MYH13: variants seen among roughly 807,000 people sequenced by gnomAD.
The protein encoded by MYH13 is myosin heavy chain 13.
A neutral mutation model predicts 232.1 loss-of-function variants in MYH13; 177 were observed. That is an observed-to-expected ratio of 0.76 (90% CI 0.67 to 0.86). The LOEUF (loss-of-function observed/expected upper bound fraction) is 0.86, where lower values mean the gene tolerates loss of function less well. Ranked by LOEUF, MYH13 falls within the 40% of genes least tolerant of loss-of-function variation. The probability of loss-of-function intolerance (pLI) is 0.00; values close to 1 mark genes in which losing one functional copy is unlikely to be tolerated. For synonymous variants in MYH13, 884 were observed against 923.5 expected, an observed-to-expected ratio of 0.96 and a Z score of 0.78; for missense variants, 2,246 against 2,405.9, an observed-to-expected ratio of 0.93 and a Z score of 1.39.
In MYH13 at chr17:10,328,008, T is replaced by C; in HGVS notation, c.2549A>G (p.Glu850Gly). The stretch of plus-strand genomic sequence containing the variant: ...TTCCTTCATGGTGGCCATCTCCTTC[T>C]CGGCCTCTGCACTCTTCAGCAGGGG... Reference protein sequence around the residue: ...IKPLLKSAEAEKEMATMKEDF... With the variant: ...IKPLLKSAEAGKEMATMKEDF... Residue 850 changes from glutamate to glycine, a missense_variant, in exon 22 of 41, where the codon GAG becomes GGG. Transcript: ENST00000252172. 1 of 1,614,130 alleles carries C rather than the reference T, an allele frequency of 6.2e-7. No homozygotes were observed. The highest frequency in any genetic ancestry group is 8.5e-7 in the Non-Finnish European group (1 of 1,180,016).
chr17:10,353,777 G>A (rs1273435978), intron 11 of MYH13, among the ~76,000 whole-genome samples: 1 of 152,142 alleles, frequency 6.6e-6, no homozygotes, highest in South Asian at 2.1e-4. Context: ...GGAGGCTGAG[G>A]CAAGAGAATC....
Position 10,364,393 on chromosome 17 carries a change from C to T in MYH13, c.138G>A (p.Met46Ile), listed in dbSNP as rs1204551814. 1 of 1,613,822 alleles carries T rather than the reference C, an allele frequency of 6.2e-7. No homozygotes were observed. The highest frequency in any genetic ancestry group is 8.5e-7 in the Non-Finnish European group (1 of 1,179,850). The change falls in exon 3 of 41, where the codon ATG becomes ATA. Residue 46 changes from methionine (M) to isoleucine (I), a missense_variant. By Grantham distance (10) the Met-to-Ile change is conservative (BLOSUM62 1). Coordinates refer to ENST00000252172, the MANE Select transcript of MYH13 (RefSeq NM_003802.3). ...KACFVADNKE[M>I]YVKGMIQTRE... is the part of the protein sequence containing the mutation. Reference sequence around the variant, plus strand: ...TAGTCTGGATCATGCCTTTCACATACATTTCCTTATTATCCGCTACAAAGC... The same window carrying T: ...TAGTCTGGATCATGCCTTTCACATATATTTCCTTATTATCCGCTACAAAGC...
intron 18 of MYH13, 121 bp downstream of exon 18, chr17:10,340,029 A>G (rs2071608904): frequency 2.5e-6 from 2 of 797,836 alleles, no homozygotes; most frequent in Non-Finnish European, 4.0e-6. Context: ...CCTATTTCAG[A>G]GACTACTTTC....
intron 5 of MYH13, among the ~76,000 whole-genome samples, 156 bp downstream of exon 5, chr17:10,361,962 T>C (rs1412712292): frequency 2.0e-5 from 3 of 152,236 alleles, no homozygotes; most frequent in Admixed American, 1.3e-4. Context: ...TGACTGGCAA[T>C]GGAAGATGTT....
At position 10,327,822 on chromosome 17, in the gene MYH13, C is replaced by T. The variant is rs376314366; in HGVS notation, c.2691+44G>A. The T allele has an allele frequency of 1.3e-5, 21 of 1,592,250 alleles. No homozygotes were observed. In the African/African-American group the frequency reaches 2.5e-4, roughly 19 times the overall value. ...CTCAATGTTCCTCCCCCTTTTCTGT[C>T]CTCCAGAGTCTGTGTTTTGCGTTCT... On this transcript the variant is annotated intron_variant, in intron 22 of 40. Transcript: ENST00000252172.
rs151016989 is a variant in MYH13, at chr17:10,323,555, C to T, written c.2934+467G>A. Among the ~76,000 whole-genome samples the T allele has an allele frequency of 2.5e-3, 387 of 151,844 alleles. 3 individuals carry two copies. Among genetic ancestry groups the T allele is most frequent in the African/African-American group, 8.7e-3 (362 of 41,386 alleles). On this transcript the variant is annotated intron_variant, in intron 23 of 40. Transcript: ENST00000252172. ...GGTGGATCACCTGAGGTAAGGAGTT[C>T]GAGACCAGCTTGGCCAACATGGTGA...
At chr17:10,325,814 C>T (rs1156896674) in intron 22 of MYH13, among the ~76,000 whole-genome samples, 2 of 152,104 alleles carry the variant, frequency 1.3e-5, no homozygotes, top group African/African-American at 4.8e-5. Context: ...GTAGCTGGGA[C>T]TACAGGTGCC....
chr17:10,371,294 A>G (rs2071876104), intron 1 of MYH13, 35 bp from the exon 2 acceptor site: 2 of 152,206 alleles, frequency 1.3e-5, no homozygotes, highest in Non-Finnish European at 1.5e-5. Flanking sequence ...ACAAACCAAA[A>G]AAACCCAAAT....
In MYH13 at chr17:10,303,394, C is replaced by T. The variant is rs759520191; in HGVS notation, c.5571G>A (p.Gln1857=). The change falls in exon 38 of 41, where the codon CAG becomes CAA. Residue 1857 remains glutamine, a splice_region_variant and synonymous_variant. Coordinates refer to ENST00000252172, the MANE Select transcript of MYH13 (RefSeq NM_003802.3). ...YERKVKEMTY[Q]AEEDHKNILR... Reference sequence around the variant, plus strand: ...CTGAGGAGGTTTTTGGGACCCCTACCTGGTAAGTCATCTCCTTGACTTTGC... The same window carrying T: ...CTGAGGAGGTTTTTGGGACCCCTACTTGGTAAGTCATCTCCTTGACTTTGC... The T allele has an allele frequency of 2.5e-6, 4 of 1,613,934 alleles. No individual in the cohort carries two copies. The highest frequency in any genetic ancestry group is 1.1e-5 in the South Asian group (1 of 91,086).
chr17:10,352,589 A>G (rs1394562951), intron 11 of MYH13, among the ~76,000 whole-genome samples: 1 of 151,912 alleles, frequency 6.6e-6, no homozygotes, highest in Non-Finnish European at 1.5e-5. Flanking sequence ...CTCCATCTCA[A>G]AAAAAACAAA....
At chr17:10,340,457 G>T in intron 16 of MYH13, 56 bp from the exon 17 acceptor site, 1 of 1,440,398 alleles carries the variant, frequency 6.9e-7, no homozygotes, top group Non-Finnish European at 9.5e-7. Flanking sequence ...CCAGCAGTGG[G>T]CTTCCTGAAC....
chr17:10,312,149 C>A, intron 31 of MYH13, 73 bp from the exon 32 acceptor site: 1 of 1,530,878 alleles, frequency 6.5e-7, no homozygotes, highest in Admixed American at 1.8e-5. Flanking sequence ...CAAACAAGGG[C>A]TGTCAGTAAC....
chr17:10,339,064 C>T (rs1267577066), intron 18 of MYH13, among the ~76,000 whole-genome samples: 6 of 152,116 alleles, frequency 3.9e-5, no homozygotes, highest in African/African-American at 9.7e-5. Context: ...CTTAGGATCA[C>T]GTGGTAATAG....
Position 10,309,660 on chromosome 17 carries a change from G to A in MYH13, c.4827C>T (p.Ile1609=). 1 of 1,611,168 alleles carries A rather than the reference G, an allele frequency of 6.2e-7. No homozygotes were observed. The highest frequency in any genetic ancestry group is 1.1e-5 in the South Asian group (1 of 90,312). The stretch of plus-strand genomic sequence containing the variant: ...GCCTCAGGGCGTCGTTCCGGCTGCG[G>A]ATTTCAGCATCCAGCACGCTCTGCA... ...EALQSVLDAE[I]RSRNDALRLK... The change falls in exon 34 of 41, where the codon ATC becomes ATT. Residue 1609 remains isoleucine (I), a synonymous_variant. Coordinates refer to ENST00000252172, the MANE Select transcript of MYH13 (RefSeq NM_003802.3).
At position 10,344,061 on chromosome 17, in the gene MYH13, C is replaced by A. The variant is rs747935393; in HGVS notation, c.1633G>T (p.Ala545Ser). 5.0e-6 allele frequency: 8 copies of A among 1,614,112 alleles called. No individual in the cohort carries two copies. Among genetic ancestry groups the A allele is most frequent in the Non-Finnish European group, 6.8e-6 (8 of 1,180,008 alleles). Residue 545 changes from alanine (A) to serine (S), a missense_variant, in exon 16 of 41, where the codon GCA becomes TCA. Physicochemically the swap from Ala to Ser is moderately conservative, Grantham distance 99. Transcript: ENST00000252172. ...TTGTTCTTGAAGGAGGTGTCTGTTGCCTTGGGGAACATGCACTCCTCTTCC... is the reference window on the plus strand; with the variant it reads ...TTGTTCTTGAAGGAGGTGTCTGTTGACTTGGGGAACATGCACTCCTCTTCC... ...ILEEECMFPK[A>S]TDTSFKNKLY...
chr17:10,305,966 T>C (rs1906265832), intron 37 of MYH13, among the ~76,000 whole-genome samples: 1 of 151,980 alleles, frequency 6.6e-6, no homozygotes, highest in African/African-American at 2.4e-5. Context: ...TGAGAAAAGC[T>C]GGGGAGGGAA....
In MYH13 at chr17:10,309,797, G is replaced by C. The variant is rs146716231; in HGVS notation, c.4690C>G (p.Arg1564Gly). 6 of 1,593,084 alleles carry C rather than the reference G, an allele frequency of 3.8e-6. No individual in the cohort carries two copies. Among genetic ancestry groups the C allele is most frequent in the Non-Finnish European group, 3.4e-6 (4 of 1,169,388 alleles). Residue 1564 changes from arginine (R) to glycine (G), a missense_variant, in exon 34 of 41, where the codon CGC becomes GGC. Coordinates refer to ENST00000252172, the MANE Select transcript of MYH13 (RefSeq NM_003802.3). Reference protein sequence around the residue: ...SLEHEESKILRVQLELSQVKS... With the variant: ...SLEHEESKILGVQLELSQVKS... ...ACCTGGCTCAGCTCTAGCTGCACGC[G>C]CAAGATCTTGCTCTCCTCGTGTTCC...
Position 10,324,693 on chromosome 17 carries a change from C to T in MYH13, c.2692-429G>A, listed in dbSNP as rs111911678. The T allele has an allele frequency of 8.3e-3, 1,310 of 157,980 alleles. 24 individuals carry two copies. The highest frequency in any genetic ancestry group is 0.031 in the African/African-American group (1,247 of 40,868). The allele number at this position is 157,980 out of a possible 1,614,324, so 9.8% of individuals were successfully genotyped here. ...AACGCCTGACCTCAGGTGATCCTTC[C>T]GCCTCGGCCTCCCAAAGTGCTGGGA... is the stretch of plus-strand genomic sequence containing the variant. On this transcript the variant is annotated intron_variant, in intron 22 of 40. Transcript: ENST00000252172.
rs774748313 is a variant in MYH13, at chr17:10,333,070, C to T, written c.2174+4G>A. 6.5e-7 allele frequency: 1 copy of T among 1,542,578 alleles called. No homozygotes were observed. Among genetic ancestry groups the T allele is most frequent in the Middle Eastern group, 1.7e-4 (1 of 5,974 alleles). On this transcript the variant is annotated splice_donor_region_variant and intron_variant, in intron 19 of 40. Transcript: ENST00000252172. ...GAGAGATGCACAGGAGAGAGGGAAC[C>T]TACCGCTGCTTGAAGTCAGCATAGA...
Sources: allele counts gnomAD v4.1 joint callset (sites outside exome capture counted in the v4.1 genomes callset), GRCh38; gene constraint gnomAD v4.1.1; transcripts MANE v1.5; gene names NCBI Gene and HGNC (gene_info 2026-07-23, HGNC 2026-07-21).